Variants in PIF1 observed in about 807,000 individuals in gnomAD.
The protein encoded by PIF1 is PIF1 5'-to-3' DNA helicase.
A neutral mutation model predicts 62.3 loss-of-function variants in PIF1; 67 were observed. The observed-to-expected ratio is 1.08, with a 90% CI of 0.88 to 1.32. The LOEUF is 1.32. Among genes scored for constraint, PIF1 ranks in the 40% most tolerant of loss-of-function variants. The probability of loss-of-function intolerance (pLI) is 0.00; values close to 1 mark genes in which losing one functional copy is unlikely to be tolerated. For missense variants in PIF1, 886 were observed against 866.1 expected, an observed-to-expected ratio of 1.02 and a Z score of -0.29; for synonymous variants, 364 against 379.5, an observed-to-expected ratio of 0.96 and a Z score of 0.47.
At chr15:64,818,424 C>T in intron 9 of PIF1, 80 bp from the exon 10 acceptor site, 1 of 1,368,012 alleles carries the variant, frequency 7.3e-7, no homozygotes, top group Non-Finnish European at 1.0e-6. Context: ...TTCTCAGAGG[C>T]TGAGGGCAGG....
Position 64,824,013 on chromosome 15 carries a change from C to T in PIF1, c.323G>A (p.Cys108Tyr). The change falls in exon 2 of 13, where the codon TGC becomes TAC. Residue 108 changes from cysteine (C) to tyrosine (Y), a missense_variant. Cys to Tyr is a radical substitution (Grantham distance 194). Transcript: ENST00000559239. ...GAAGCGGCGCAGGCGGTCTGGGGGGCAGTCCGAGAGCAGCAGCTGCACTGC... is the reference window on the plus strand; with the variant it reads ...GAAGCGGCGCAGGCGGTCTGGGGGGTAGTCCGAGAGCAGCAGCTGCACTGC... Reference protein sequence around the residue: ...AGAVQLLLSDCPPDRLRRFLR... With the variant: ...AGAVQLLLSDYPPDRLRRFLR... 1 of 1,296,536 alleles carries T rather than the reference C, an allele frequency of 7.7e-7. No individual in the cohort carries two copies. Among genetic ancestry groups the T allele is most frequent in the Middle Eastern group, 2.9e-4 (1 of 3,436 alleles). The allele number at this position is 1,296,536 out of a possible 1,614,324, so 80.3% of individuals were successfully genotyped here. A position where few individuals can be genotyped will look rare whatever the true frequency, so the allele number is the denominator to read the frequency against.
At chr15:64,824,816 T>A (rs1481627255) in intron 1 of PIF1, among the ~76,000 whole-genome samples, 1 of 145,128 alleles carries the variant, frequency 6.9e-6, no homozygotes, top group Non-Finnish European at 1.5e-5. Context: ...ACCCTCTAAT[T>A]AAAAAAAAAA....
intron 11 of PIF1, among the ~76,000 whole-genome samples, 174 bp downstream of exon 11, chr15:64,817,772 G>A (rs989516709): frequency 2.0e-5 from 3 of 151,874 alleles, no homozygotes; most frequent in African/African-American, 7.3e-5. Flanking sequence ...TGAGGCAGGA[G>A]AATCTCTTGA....
intron 8 of PIF1, 40 bp from the exon 9 acceptor site, chr15:64,819,263 G>T: frequency 7.5e-7 from 1 of 1,341,048 alleles, no homozygotes; most frequent in Non-Finnish European, 1.0e-6. Flanking sequence ...ACAAATCACT[G>T]ACTTGTGACT....
Position 64,823,974 on chromosome 15 carries a change from C to T in PIF1, c.362G>A (p.Arg121His). Reference protein sequence around the residue: ...DRLRRFLRTLRLKLAAAPGPG... With the variant: ...DRLRRFLRTLHLKLAAAPGPG... ...ACCCGGGGCCGCAGCCAGCTTGAGGCGCAATGTGCGCAGGAAGCGGCGCAG... is the reference window on the plus strand; with the variant it reads ...ACCCGGGGCCGCAGCCAGCTTGAGGTGCAATGTGCGCAGGAAGCGGCGCAG... Residue 121 changes from arginine to histidine, a missense_variant, in exon 2 of 13, where the codon CGC becomes CAC. Physicochemically the swap from Arg to His is conservative, Grantham distance 29 (BLOSUM62 0). Coordinates refer to ENST00000559239, the MANE Select transcript of PIF1 (RefSeq NM_001286496.2). 2 of 1,300,196 alleles carry T rather than the reference C, an allele frequency of 1.5e-6. No homozygotes were observed. The highest frequency in any genetic ancestry group is 2.3e-5 in the South Asian group (1 of 43,592). 80.5% of individuals were successfully genotyped at this position (1,300,196 alleles called of 1,614,324 possible).
upstream of PIF1, chr15:64,825,774 C>A: frequency 6.6e-6 from 1 of 152,370 alleles, no homozygotes. Flanking sequence ...GTCTCTACTC[C>A]AGGAGCTTGG....
At chr15:64,820,389 T>C (rs1363238697) in intron 7 of PIF1, among the ~76,000 whole-genome samples, 3 of 152,120 alleles carry the variant, frequency 2.0e-5, no homozygotes, top group Non-Finnish European at 4.4e-5. Flanking sequence ...AAATCTAGCT[T>C]ATGTTTCTGT....
At chr15:64,825,215 G>A (rs1208956138) in intron 1 of PIF1, among the ~76,000 whole-genome samples, 1 of 151,990 alleles carries the variant, frequency 6.6e-6, no homozygotes, top group African/African-American at 2.4e-5. Context: ...AATCGCCCGT[G>A]GGGAGATGCA....
At chr15:64,816,814 T>G in intron 11 of PIF1, 49 bp from the exon 12 acceptor site, 3 of 1,512,758 alleles carry the variant, frequency 2.0e-6, no homozygotes, top group Non-Finnish European at 2.7e-6. Flanking sequence ...TTAAGTCCCT[T>G]GCCCCGAAAG....
chr15:64,823,953 G>T lies in PIF1; in HGVS notation c.383C>A (p.Pro128Gln). 2.3e-6 allele frequency: 3 copies of T among 1,305,992 alleles called. No individual in the cohort carries two copies. Among genetic ancestry groups the T allele is most frequent in the Non-Finnish European group, 2.9e-6 (3 of 1,025,000 alleles). 80.9% of individuals were successfully genotyped at this position (1,305,992 alleles called of 1,614,324 possible). The change falls in exon 2 of 13, where the codon CCG (proline) becomes CAG (glutamine). Residue 128 changes from proline to glutamine, a missense_variant. Physicochemically the swap from Pro to Gln is moderately conservative, Grantham distance 76. Transcript: ENST00000559239. ...TCGGGCGGAGGCCGGCCCGGGACCC[G>T]GGGCCGCAGCCAGCTTGAGGCGCAA... Reference protein sequence around the residue: ...RTLRLKLAAAPGPGPASARAQ... With the variant: ...RTLRLKLAAAQGPGPASARAQ...
intron 2 of PIF1, 163 bp downstream of exon 2, chr15:64,823,615 A>G (rs1347587196): frequency 3.5e-5 from 16 of 454,782 alleles, no homozygotes; most frequent in Non-Finnish European, 3.7e-6. Context: ...GGATTACACT[A>G]TAACAACCAC....
chr15:64,826,578 C>T (rs1191873397), upstream of PIF1, among the ~76,000 whole-genome samples: 2 of 139,200 alleles, frequency 1.4e-5, no homozygotes, highest in Admixed American at 1.5e-4. Context: ...ATCCTCCCGC[C>T]TCAGCCCCCC....
Position 64,819,985 on chromosome 15 carries a change from A to G in PIF1, c.1195T>C (p.Cys399Arg). 1 of 1,613,252 alleles carries G rather than the reference A, an allele frequency of 6.2e-7. No individual in the cohort carries two copies. Among genetic ancestry groups the G allele is most frequent in the Non-Finnish European group, 8.5e-7 (1 of 1,179,644 alleles). The change falls in exon 8 of 13, where the codon TGT becomes CGT. Residue 399 changes from cysteine to arginine, a missense_variant and splice_region_variant. Transcript: ENST00000559239. The part of the protein sequence containing the change: ...SLLQAVRLGR[C>R]SDEVTRQLQA... ...AGCTGGCGGGTCACCTCATCTGAACACCTGTTGGGGCTGGACTGTCAGGGC... is the reference window on the plus strand; with the variant it reads ...AGCTGGCGGGTCACCTCATCTGAACGCCTGTTGGGGCTGGACTGTCAGGGC...
intron 4 of PIF1, 111 bp downstream of exon 4, chr15:64,822,155 G>C: frequency 2.1e-6 from 3 of 1,433,848 alleles, no homozygotes; most frequent in Non-Finnish European, 1.9e-6. Context: ...GATTACAAGA[G>C]TGAGCCACGG....
Position 64,823,806 on chromosome 15 carries a change from T to A in PIF1, c.530A>T (p.Glu177Val), listed in dbSNP as rs765730639. 1.5e-6 allele frequency: 2 copies of A among 1,345,672 alleles called. No individual in the cohort carries two copies. The highest frequency in any genetic ancestry group is 1.9e-6 in the Non-Finnish European group (2 of 1,038,874). The allele number at this position is 1,345,672 out of a possible 1,614,324, so 83.4% of individuals were successfully genotyped here. Residue 177 changes from glutamate to valine, a missense_variant, in exon 2 of 13, where the codon GAG becomes GTG. Transcript: ENST00000559239. ...PDTTLVKRPVEPQAGAEPSTE... is the reference protein window; with the variant it reads ...PDTTLVKRPVVPQAGAEPSTE... ...GCTAGGCTCGGCCCCAGCCTGGGGCTCCACAGGCCGCTTCACCAGCGTAGT... is the reference window on the plus strand; with the variant it reads ...GCTAGGCTCGGCCCCAGCCTGGGGCACCACAGGCCGCTTCACCAGCGTAGT...
chr15:64,825,406 C>T (rs2084355091), intron 1 of PIF1, among the ~76,000 whole-genome samples, 163 bp downstream of exon 1: 1 of 152,144 alleles, frequency 6.6e-6, no homozygotes, highest in Non-Finnish European at 1.5e-5. Context: ...TTCCCATGCC[C>T]TCGCGCTTCC....
chr15:64,824,992 T>TACAC (rs199650820), intron 1 of PIF1, among the ~76,000 whole-genome samples: 88 of 136,722 alleles, frequency 6.4e-4, no homozygotes, highest in Middle Eastern at 3.8e-3. Flanking sequence ...ACAATTTCTA[T>TACAC]ATATATACAC....
In PIF1 at chr15:64,821,173, G is replaced by A; in HGVS notation, c.1080C>T (p.Cys360=). The A allele has an allele frequency of 2.5e-6, 4 of 1,614,152 alleles. No homozygotes were observed. Among genetic ancestry groups the A allele is most frequent in the Non-Finnish European group, 3.4e-6 (4 of 1,180,016 alleles). The part of the protein sequence containing the change: ...VTKGSQPPRF[C]FQSKSWKRCV... ...GCTAGGAGGTGAGTAATACCTGGAA[G>A]CAGAACCGTGGGGGCTGGGAGCCCT... The change falls in exon 6 of 13, where the codon TGC becomes TGT. Residue 360 remains cysteine, a synonymous_variant. Transcript: ENST00000559239.
rs538053269 is a variant in PIF1, at chr15:64,824,018, C to A, written c.318G>T (p.Ser106=). 5.4e-6 allele frequency: 7 copies of A among 1,292,902 alleles called. No individual in the cohort carries two copies. In the East Asian group the frequency reaches 1.9e-4, roughly 35 times the overall value. The allele number at this position is 1,292,902 out of a possible 1,614,324, so 80.1% of individuals were successfully genotyped here. ...GGCGCAGGCGGTCTGGGGGGCAGTC[C>A]GAGAGCAGCAGCTGCACTGCGCCGG... ...PGAGAVQLLL[S]DCPPDRLRRF... Residue 106 remains serine (S), a synonymous_variant, in exon 2 of 13, where the codon TCG becomes TCT. Transcript: ENST00000559239.
Sources: gnomAD v4.1 joint callset for allele counts (sites outside exome capture counted in the v4.1 genomes callset) on GRCh38, gnomAD v4.1.1 for gene constraint, MANE v1.5 for transcripts, NCBI Gene and HGNC (gene_info 2026-07-23, HGNC 2026-07-21) for gene names.